The following TASP1 variants were observed in gnomAD, a reference collection of about 807,000 sequenced individuals.
The protein encoded by TASP1 is taspase 1.
Under a neutral mutation model 56.6 loss-of-function variants are expected in TASP1, and 16 were observed. The ratio of observed to expected loss-of-function variants is 0.28; its 90% CI spans 0.19 to 0.43. TASP1 has a LOEUF of 0.43. Among genes scored for constraint, TASP1 ranks in the 20% least tolerant of loss-of-function variants. The pLI, the probability that TASP1 is intolerant of heterozygous loss-of-function variation, is 1.00. For synonymous variants in TASP1, 179 were observed against 184.2 expected (o/e 0.97, Z 0.23); for missense variants, 393 against 511.6 (o/e 0.77, Z 2.24).
chr20:13,228,773 A>T, the TASP1 span, among the ~76,000 whole-genome samples: 2 of 152,262 alleles, frequency 1.3e-5, no homozygotes, highest in Non-Finnish European at 2.9e-5. Flanking sequence ...CCTGTTAGAG[A>T]TTGAAACTAA....
chr20:13,458,063 G>A (rs1210560398), intron 11 of TASP1, among the ~76,000 whole-genome samples: 1 of 152,144 alleles, frequency 6.6e-6, no homozygotes, highest in South Asian at 2.1e-4. Flanking sequence ...CTAGTCATTG[G>A]TGGTACACAA....
At chr20:13,601,471 A>G (rs1337382601) in intron 4 of TASP1, among the ~76,000 whole-genome samples, 1 of 152,242 alleles carries the variant, frequency 6.6e-6, no homozygotes, top group Non-Finnish European at 1.5e-5. Flanking sequence ...ACTACAACTA[A>G]AAGGATAAAA....
chr20:13,223,957 A>T, the TASP1 span, among the ~76,000 whole-genome samples: 1 of 152,076 alleles, frequency 6.6e-6, no homozygotes, highest in African/African-American at 2.4e-5. Context: ...TTCCGCTTGA[A>T]CAGTAAGGTA....
the TASP1 span, among the ~76,000 whole-genome samples, chr20:13,201,059 C>G: frequency 6.6e-6 from 1 of 152,170 alleles, no homozygotes; most frequent in Non-Finnish European, 1.5e-5. Context: ...TCTCCAATGC[C>G]AGTCACAGGC....
At chr20:13,468,905 G>A (rs1166811524) in intron 11 of TASP1, among the ~76,000 whole-genome samples, 1 of 149,010 alleles carries the variant, frequency 6.7e-6, no homozygotes, top group African/African-American at 2.5e-5. Context: ...TTCCTTGTAT[G>A]ATTTTAATTA....
At chr20:13,122,236 G>A in the TASP1 span, among the ~76,000 whole-genome samples, 1 of 152,144 alleles carries the variant, frequency 6.6e-6, no homozygotes, top group Non-Finnish European at 1.5e-5. Context: ...TGCTCTCAAG[G>A]AAGTTTCAGT....
the TASP1 span, among the ~76,000 whole-genome samples, chr20:13,235,953 C>T: frequency 8.8e-5 from 13 of 147,930 alleles, no homozygotes; most frequent in African/African-American, 1.3e-4. Context: ...GAAATGGAGT[C>T]TCATTGTGTC....
At chr20:13,322,013 CATTT>C in the TASP1 span, among the ~76,000 whole-genome samples, 1 of 152,174 alleles carries the variant, frequency 6.6e-6, no homozygotes, top group Non-Finnish European at 1.5e-5. Context: ...AATGAGTCAA[CATTT>C]ATATTATGGA....
At chr20:13,230,570 G>A in the TASP1 span, among the ~76,000 whole-genome samples, 2 of 151,940 alleles carry the variant, frequency 1.3e-5, no homozygotes, top group Non-Finnish European at 2.9e-5. Context: ...TTTATGATTT[G>A]TAAAGAAAAG....
chr20:13,394,870 C>G (rs2041465040), intron 13 of TASP1, among the ~76,000 whole-genome samples: 1 of 151,980 alleles, frequency 6.6e-6, no homozygotes. Context: ...TGTTCAAAGC[C>G]AATATTAGGG....
intron 11 of TASP1, among the ~76,000 whole-genome samples, chr20:13,464,492 AG>A (rs1232310992): frequency 6.6e-6 from 1 of 152,202 alleles, no homozygotes; most frequent in East Asian, 1.9e-4. Flanking sequence ...CACTAATATA[AG>A]GAACAACCCA....
At chr20:13,579,005 T>C (rs2047023859) in intron 6 of TASP1, among the ~76,000 whole-genome samples, 1 of 152,202 alleles carries the variant, frequency 6.6e-6, no homozygotes, top group South Asian at 2.1e-4. Flanking sequence ...TTATGGTAGA[T>C]TCGTAGGTGA....
chr20:13,281,723 G>C, the TASP1 span, among the ~76,000 whole-genome samples: 2 of 152,152 alleles, frequency 1.3e-5, no homozygotes, highest in Non-Finnish European at 2.9e-5. Flanking sequence ...GGAATGGGAG[G>C]AAAAGATCAG....
chr20:13,229,724 G>A, the TASP1 span, among the ~76,000 whole-genome samples: 38 of 152,242 alleles, frequency 2.5e-4, no homozygotes, highest in African/African-American at 8.7e-4. Flanking sequence ...TAGTATTGTG[G>A]TAATTCTTCT....
chr20:13,613,611 GACT>G (rs1376022737), intron 4 of TASP1, among the ~76,000 whole-genome samples: 1 of 151,944 alleles, frequency 6.6e-6, no homozygotes, highest in Non-Finnish European at 1.5e-5. Flanking sequence ...CCTGTTCTTA[GACT>G]TATTCTTAGT....
chr20:13,561,318 C>T (rs558982210), intron 7 of TASP1, among the ~76,000 whole-genome samples: 54 of 152,186 alleles, frequency 3.5e-4, no homozygotes, highest in Admixed American at 1.2e-3. Context: ...GCTAGTCTTA[C>T]TGTAATTTTG....
chr20:13,544,593 G>C lies in TASP1; in HGVS notation c.676-10452C>G, dbSNP rs990568396. ...TAGGATATGAATTCATTACTGGGCA[G>C]ATTTAAAAATACAAAGCTAGACAAG... On this transcript the variant is annotated intron_variant, in intron 8 of 13. Transcript: ENST00000337743. 3.9e-5 allele frequency among the ~76,000 whole-genome samples: 6 copies of C among 152,280 alleles called. No homozygotes were observed. In the South Asian group the frequency reaches 6.2e-4, roughly 16 times the overall value.
chr20:13,224,293 C>A, the TASP1 span, among the ~76,000 whole-genome samples: 1 of 152,158 alleles, frequency 6.6e-6, no homozygotes, highest in African/African-American at 2.4e-5. Context: ...AAAGTTATTT[C>A]TTTGGCCCTC....
At chr20:13,226,349 A>G in the TASP1 span, among the ~76,000 whole-genome samples, 1 of 152,086 alleles carries the variant, frequency 6.6e-6, no homozygotes, top group African/African-American at 2.4e-5. Flanking sequence ...GTCAATAGCC[A>G]TTTGTGTTTC....
Sources: gnomAD v4.1 joint callset for allele counts (sites outside exome capture counted in the v4.1 genomes callset) on GRCh38, gnomAD v4.1.1 for gene constraint, MANE v1.5 for transcripts, NCBI Gene and HGNC (gene_info 2026-07-23, HGNC 2026-07-21) for gene names.